MCTP2: variants seen among roughly 807,000 people sequenced by gnomAD.
MCTP2 encodes the protein multiple C2 and transmembrane domain containing 2, also known as multiple C2 and transmembrane domain-containing protein 2.
MCTP2 carries 132 observed loss-of-function variants against 111.6 expected under a neutral mutation model. The ratio of observed to expected loss-of-function variants is 1.18; its 90% CI spans 1.03 to 1.37. MCTP2 has a LOEUF of 1.37. MCTP2 is among the 40% of genes most tolerant of loss of function. The pLI is 0.00. For synonymous variants in MCTP2, 395 were observed against 387.7 expected, an observed-to-expected ratio of 1.02 and a Z score of -0.22; for missense variants, 1,183 against 1,067.9, an observed-to-expected ratio of 1.11 and a Z score of -1.50.
intron 17 of MCTP2, among the ~76,000 whole-genome samples, chr15:94,428,609 C>T (rs937309076): frequency 6.6e-6 from 1 of 152,110 alleles, no homozygotes; most frequent in East Asian, 1.9e-4. Flanking sequence ...TGTTTAACCC[C>T]TTTCTCCACC....
intron 17 of MCTP2, among the ~76,000 whole-genome samples, chr15:94,408,549 G>A (rs1395307647): frequency 6.6e-6 from 1 of 152,012 alleles, no homozygotes; most frequent in Non-Finnish European, 1.5e-5. Context: ...ATTGCATATT[G>A]TGAGCATAAT....
At position 94,440,184 on chromosome 15, in the gene MCTP2, G is replaced by T. The variant is rs1212195333; in HGVS notation, c.2094G>T (p.Leu698Phe). 1.7e-5 allele frequency: 28 copies of T among 1,612,484 alleles called. No individual in the cohort carries two copies. Among genetic ancestry groups the T allele is most frequent in the Non-Finnish European group, 2.0e-5 (24 of 1,179,272 alleles). The change falls in exon 18 of 23, where the codon TTG becomes TTT. Residue 698 changes from leucine (L) to phenylalanine (F), a missense_variant. Transcript: ENST00000357742. ...LRSTIAFAVF[L>F]ITVWNFELYM... The stretch of plus-strand genomic sequence containing the variant: ...ATTTGTCTTTCAATCAGGTATTTTT[G>T]ATCACTGTCTGGAATTTTGAACTAT...
At chr15:94,292,781 C>T (rs1462533934) in intron 1 of MCTP2, 1 of 152,002 alleles carries the variant, frequency 6.6e-6, no homozygotes, top group Non-Finnish European at 1.5e-5. Context: ...TATAGAAATA[C>T]AAAAATCTGG....
At position 94,374,367 on chromosome 15, in the gene MCTP2, T is replaced by C. The variant is rs190717517; in HGVS notation, c.1582+4187T>C. 1.2e-4 allele frequency among the ~76,000 whole-genome samples: 19 copies of C among 152,310 alleles called. No individual in the cohort carries two copies. The East Asian group carries it at 3.1e-3, about 25-fold the overall frequency. ...AGCCAATGAAGAGTAGGAAACTATATTGGTTTGCTCAGCACATGTGTGCAG... is the reference window on the plus strand; with the variant it reads ...AGCCAATGAAGAGTAGGAAACTATACTGGTTTGCTCAGCACATGTGTGCAG... On this transcript the variant is annotated intron_variant, in intron 12 of 22. Coordinates refer to ENST00000357742, the MANE Select transcript of MCTP2 (RefSeq NM_001385001.1).
rs369604754 is a variant in MCTP2 at position 94,362,162 on chromosome 15, A to G, written c.1301+3550A>G. ...TCATGGGCAAAACAAGCAAAAAAGC[A>G]TCTGATCTTAGATAGAAACAGTGAG... On this transcript the variant is annotated intron_variant, in intron 10 of 22. Coordinates refer to ENST00000357742, the MANE Select transcript of MCTP2 (RefSeq NM_001385001.1). Among the ~76,000 whole-genome samples the G allele has an allele frequency of 3.3e-5, 5 of 152,202 alleles. No individual in the cohort carries two copies. In the South Asian group the frequency reaches 6.2e-4, roughly 19 times the overall value.
At chr15:94,231,886 G>A (rs2070198702) in intron 1 of MCTP2, 1 of 152,382 alleles carries the variant, frequency 6.6e-6, no homozygotes, top group African/African-American at 2.4e-5. Context: ...CGTACTGGAA[G>A]GCGCACTAGG....
chr15:94,389,069 CAT>C (rs1450246999), intron 14 of MCTP2, among the ~76,000 whole-genome samples: 1 of 152,120 alleles, frequency 6.6e-6, no homozygotes, highest in African/African-American at 2.4e-5. Context: ...CCCAAATAAA[CAT>C]ATAAGTCTCA....
At chr15:94,415,449 C>T (rs992769716) in intron 17 of MCTP2, among the ~76,000 whole-genome samples, 2 of 152,148 alleles carry the variant, frequency 1.3e-5, no homozygotes, top group African/African-American at 2.4e-5. Flanking sequence ...GTGAAAACGA[C>T]AGCATCTCTG....
At chr15:94,312,859 G>A (rs975515058) in intron 2 of MCTP2, among the ~76,000 whole-genome samples, 1 of 152,060 alleles carries the variant, frequency 6.6e-6, no homozygotes, top group East Asian at 1.9e-4. Flanking sequence ...CTGAAGATTT[G>A]CCCCCTGGTC....
intron 20 of MCTP2, among the ~76,000 whole-genome samples, chr15:94,461,047 G>A (rs1254746507): frequency 1.3e-5 from 2 of 152,162 alleles, no homozygotes; most frequent in African/African-American, 2.4e-5. Flanking sequence ...CAGTGGTGTT[G>A]CATTTATGTG....
In MCTP2 at chr15:94,399,915, T is replaced by C. The variant is rs74029043; in HGVS notation, c.1891-6T>C. 2,375 of 1,613,570 alleles carry C rather than the reference T, an allele frequency of 1.5e-3. 24 individuals carry two copies. In the African/African-American group the frequency reaches 0.028, roughly 19 times the overall value. ...TGCCCTTTTTTAACAAGGATGTCTT[T>C]TCTAGGTGAAAGCAAGTATTAGGAC... On this transcript the variant is annotated splice_region_variant and splice_polypyrimidine_tract_variant and intron_variant, in intron 15 of 22. Transcript: ENST00000357742.
At chr15:94,249,612 A>G (rs537885490) in intron 1 of MCTP2, among the ~76,000 whole-genome samples, 1 of 151,736 alleles carries the variant, frequency 6.6e-6, no homozygotes, top group South Asian at 2.1e-4. Context: ...CAGCCTCTTG[A>G]GTAGCTGGGA....
intron 20 of MCTP2, among the ~76,000 whole-genome samples, chr15:94,463,030 A>G (rs2085310850): frequency 6.6e-6 from 1 of 152,200 alleles, no homozygotes; most frequent in African/African-American, 2.4e-5. Flanking sequence ...GGGAAAATGC[A>G]TTAGTCAACT....
intron 20 of MCTP2, among the ~76,000 whole-genome samples, chr15:94,463,869 G>A (rs1034939077): frequency 9.2e-5 from 14 of 151,988 alleles, no homozygotes; most frequent in South Asian, 2.1e-4. Context: ...TTTATGTGGC[G>A]AATTATTTTG....
intron 1 of MCTP2, chr15:94,278,405 G>A (rs188120182): frequency 6.6e-6 from 1 of 152,070 alleles, no homozygotes; most frequent in East Asian, 1.9e-4. Context: ...TGCAGTAAAG[G>A]GTGCTTTACA....
At chr15:94,245,911 A>G (rs536488382) in intron 1 of MCTP2, among the ~76,000 whole-genome samples, 1 of 152,188 alleles carries the variant, frequency 6.6e-6, no homozygotes, top group Admixed American at 6.5e-5. Context: ...TCTAGTTTCA[A>G]AAAACTTGTC....
In MCTP2 at chr15:94,367,770, A is replaced by G; in HGVS notation, c.1467A>G (p.Arg489=). 10 of 1,603,282 alleles carry G rather than the reference A, an allele frequency of 6.2e-6. No homozygotes were observed. Among genetic ancestry groups the G allele is most frequent in the Non-Finnish European group, 8.5e-6 (10 of 1,175,364 alleles). Residue 489 remains arginine (R), a synonymous_variant, in exon 11 of 23, where the codon AGA becomes AGG. Coordinates refer to ENST00000357742, the MANE Select transcript of MCTP2 (RefSeq NM_001385001.1). ...GCCCCTTAGCAGACCTCAGCGAAAGAAAGCAGATTACCCAGCGATATGTGA... is the reference window on the plus strand; with the variant it reads ...GCCCCTTAGCAGACCTCAGCGAAAGGAAGCAGATTACCCAGCGATATGTGA... ...CVCPLADLSE[R]KQITQRYCLQ...
At chr15:94,455,661 GTT>G (rs2084780051) in intron 19 of MCTP2, among the ~76,000 whole-genome samples, 1 of 151,938 alleles carries the variant, frequency 6.6e-6, no homozygotes, top group African/African-American at 2.4e-5. Flanking sequence ...TCCTGACCTC[GTT>G]ATCTGCCCGC....
In MCTP2 at chr15:94,454,611, A is replaced by G. The variant is rs1359485215; in HGVS notation, c.2251-3526A>G. On this transcript the variant is annotated intron_variant, in intron 19 of 22. Transcript: ENST00000357742. ...TTGGACTCTTTTGTGGAAAAAAAAAAAACCCTAAATTATGGTCATAATCAG... is the reference window on the plus strand; with the variant it reads ...TTGGACTCTTTTGTGGAAAAAAAAAGAACCCTAAATTATGGTCATAATCAG... 3.3e-5 allele frequency among the ~76,000 whole-genome samples: 5 copies of G among 152,240 alleles called. No homozygotes were observed. The East Asian group carries it at 9.6e-4, about 29-fold the overall frequency.
Sources: allele counts gnomAD v4.1 joint callset (sites outside exome capture counted in the v4.1 genomes callset), GRCh38; gene constraint gnomAD v4.1.1; transcripts MANE v1.5; gene names NCBI Gene and HGNC (gene_info 2026-07-23, HGNC 2026-07-21).